The following KLHL1 variants were observed in gnomAD, a reference collection of about 807,000 sequenced individuals.
The protein encoded by KLHL1 is kelch-like protein 1.
KLHL1 carries 47 observed loss-of-function variants against 77.7 expected under a neutral mutation model. The ratio of observed to expected loss-of-function variants is 0.60; its 90% CI spans 0.48 to 0.77. The LOEUF (loss-of-function observed/expected upper bound fraction) is 0.77. Among genes scored for constraint, KLHL1 ranks in the 30% least tolerant of loss-of-function variants. The probability of loss-of-function intolerance (pLI) is 0.00; values close to 1 mark genes in which losing one functional copy is unlikely to be tolerated. For synonymous variants in KLHL1, 360 were observed against 325.2 expected (o/e 1.11, Z -1.15); for missense variants, 925 against 910.8 (o/e 1.02, Z -0.20).
At chr13:69,908,209 A>G (rs1882105289) in intron 4 of KLHL1, among the ~76,000 whole-genome samples, 1 of 151,714 alleles carries the variant, frequency 6.6e-6, no homozygotes. Context: ...AAGAGAAGAG[A>G]AGAGACGCCA....
At chr13:70,107,164 T>C (rs1888081323) in intron 1 of KLHL1, 39 bp downstream of exon 1, 6 of 1,542,090 alleles carry the variant, frequency 3.9e-6, no homozygotes, top group Middle Eastern at 1.7e-4. Context: ...TGAGTGGAAA[T>C]TGAGAGATGC....
At chr13:69,974,813 G>A (rs1884496292) in intron 2 of KLHL1, among the ~76,000 whole-genome samples, 1 of 151,938 alleles carries the variant, frequency 6.6e-6, no homozygotes, top group African/African-American at 2.4e-5. Flanking sequence ...TTATGACATT[G>A]AATAATTCTC....
chr13:69,923,856 C>T (rs994185768), intron 4 of KLHL1, among the ~76,000 whole-genome samples: 3 of 152,216 alleles, frequency 2.0e-5, no homozygotes, highest in African/African-American at 7.2e-5. Flanking sequence ...GCTGCAGCTG[C>T]CCAAGCTGCA....
chr13:69,936,956 A>G (rs1218304231), intron 4 of KLHL1, among the ~76,000 whole-genome samples: 1 of 152,164 alleles, frequency 6.6e-6, no homozygotes, highest in Non-Finnish European at 1.5e-5. Context: ...TCTTCCTGCA[A>G]CTGCCCGTGG....
intron 3 of KLHL1, among the ~76,000 whole-genome samples, chr13:69,947,063 TGTGTGTGTGTGAA>T (rs2137248949): frequency 8.4e-6 from 1 of 119,524 alleles, no homozygotes; most frequent in African/African-American, 3.3e-5. Context: ...TGTGTGTGTG[TGTGTGTGTGTGAA>T]GATCTTCTTC....
chr13:69,848,073 G>T (rs1216598914), intron 5 of KLHL1, among the ~76,000 whole-genome samples: 2 of 151,504 alleles, frequency 1.3e-5, no homozygotes, highest in African/African-American at 4.8e-5. Flanking sequence ...AGTCATCACA[G>T]AACTTTCCAG....
intron 1 of KLHL1, among the ~76,000 whole-genome samples, chr13:70,042,114 G>A (rs1249458865): frequency 6.6e-6 from 1 of 152,004 alleles, no homozygotes; most frequent in African/African-American, 2.4e-5. Flanking sequence ...GCATTTCTAT[G>A]TTAGTGACTT....
At chr13:69,912,834 G>C (rs148383881) in intron 4 of KLHL1, among the ~76,000 whole-genome samples, 1 of 152,066 alleles carries the variant, frequency 6.6e-6, no homozygotes. Flanking sequence ...TGCTGCTTGA[G>C]TCCTGCTGGG....
intron 7 of KLHL1, among the ~76,000 whole-genome samples, chr13:69,747,936 G>T (rs1042190705): frequency 9.9e-5 from 15 of 151,556 alleles, no homozygotes; most frequent in African/African-American, 2.4e-4. Flanking sequence ...TAAATACAAG[G>T]ACTAGCAAAT....
intron 7 of KLHL1, among the ~76,000 whole-genome samples, chr13:69,759,449 A>T (rs1249044354): frequency 6.6e-6 from 1 of 152,234 alleles, no homozygotes; most frequent in Non-Finnish European, 1.5e-5. Flanking sequence ...TTTAATAATG[A>T]TAATTTGGAG....
chr13:69,790,505 C>G (rs575696426), intron 7 of KLHL1, among the ~76,000 whole-genome samples: 1 of 151,978 alleles, frequency 6.6e-6, no homozygotes, highest in Non-Finnish European at 1.5e-5. Context: ...TAACTCTAGA[C>G]CAGTATCTCT....
intron 3 of KLHL1, among the ~76,000 whole-genome samples, chr13:69,955,831 A>T (rs1013119997): frequency 2.0e-5 from 3 of 146,778 alleles, no homozygotes; most frequent in Non-Finnish European, 4.5e-5. Context: ...TGTTATCAAA[A>T]ATTGTTTTGC....
chr13:69,874,804 G>C (rs1342804600), intron 5 of KLHL1, among the ~76,000 whole-genome samples: 3 of 152,058 alleles, frequency 2.0e-5, no homozygotes, highest in African/African-American at 7.2e-5. Flanking sequence ...AATACTGACA[G>C]CTGGCAGAAT....
intron 9 of KLHL1, among the ~76,000 whole-genome samples, chr13:69,715,457 G>T (rs1341682398): frequency 6.6e-6 from 1 of 151,976 alleles, no homozygotes; most frequent in Non-Finnish European, 1.5e-5. Flanking sequence ...CATCAGCCAT[G>T]TGGAGCTATG....
intron 1 of KLHL1, among the ~76,000 whole-genome samples, chr13:70,070,500 T>C (rs2137417116): frequency 6.6e-6 from 1 of 152,006 alleles, no homozygotes; most frequent in East Asian, 1.9e-4. Context: ...CAATGTAGAA[T>C]TCCATCCCTA....
intron 3 of KLHL1, among the ~76,000 whole-genome samples, chr13:69,956,516 C>T (rs566427190): frequency 8.6e-5 from 13 of 151,498 alleles, no homozygotes; most frequent in African/African-American, 3.1e-4. Flanking sequence ...TCAGTTTAAG[C>T]TACTCAAACT....
intron 1 of KLHL1, among the ~76,000 whole-genome samples, chr13:70,064,217 T>G (rs1239049489): frequency 6.6e-6 from 1 of 152,140 alleles, no homozygotes; most frequent in Non-Finnish European, 1.5e-5. Context: ...CCTTGATATA[T>G]TTCTTGGATA....
chr13:70,020,886 G>A (rs1885774160), intron 1 of KLHL1, among the ~76,000 whole-genome samples: 1 of 151,466 alleles, frequency 6.6e-6, no homozygotes, highest in African/African-American at 2.4e-5. Flanking sequence ...TATTTTTAGA[G>A]CACTGCATGC....
intron 1 of KLHL1, among the ~76,000 whole-genome samples, chr13:70,071,936 G>A (rs1013353997): frequency 4.6e-5 from 7 of 152,058 alleles, no homozygotes; most frequent in African/African-American, 1.7e-4. Flanking sequence ...CCTGAAGTAA[G>A]CAGAAGAAAA....
Sources: gnomAD v4.1 joint callset for allele counts (sites outside exome capture counted in the v4.1 genomes callset) on GRCh38, gnomAD v4.1.1 for gene constraint, MANE v1.5 for transcripts, NCBI Gene and HGNC (gene_info 2026-07-23, HGNC 2026-07-21) for gene names.